NOL4: variants seen among roughly 807,000 people sequenced by gnomAD.
The protein encoded by NOL4 is cancer/testis antigen 125.
A neutral mutation model predicts 75.9 loss-of-function variants in NOL4; 17 were observed. The observed-to-expected ratio is 0.22, with a 90% CI of 0.15 to 0.34. The LOEUF is 0.34. Among genes scored for constraint, NOL4 ranks in the 10% least tolerant of loss-of-function variants. The pLI, the probability that NOL4 is intolerant of heterozygous loss-of-function variation, is 1.00. For missense variants in NOL4, 614 were observed against 793.5 expected, an observed-to-expected ratio of 0.77 and a Z score of 2.72; for synonymous variants, 292 against 289.9, an observed-to-expected ratio of 1.01 and a Z score of -0.07.
At chr18:33,966,057 T>G (rs1055828676) in intron 6 of NOL4, among the ~76,000 whole-genome samples, 1 of 152,244 alleles carries the variant, frequency 6.6e-6, no homozygotes. Context: ...ATCCCCTCTG[T>G]TTTGACTATT....
intron 10 of NOL4, among the ~76,000 whole-genome samples, chr18:33,859,776 C>T (rs192385482): frequency 5.9e-5 from 9 of 151,864 alleles, no homozygotes; most frequent in Admixed American, 2.6e-4. Context: ...AAAATTAGCC[C>T]GGCATGGTGG....
chr18:33,983,187 A>AG (rs1188708938), intron 6 of NOL4, among the ~76,000 whole-genome samples: 3 of 152,086 alleles, frequency 2.0e-5, no homozygotes, highest in African/African-American at 4.8e-5. Context: ...GCCAGGGGTT[A>AG]GGGGGAGGAA....
intron 5 of NOL4, among the ~76,000 whole-genome samples, chr18:34,080,435 A>G (rs1405109602): frequency 6.6e-6 from 1 of 152,146 alleles, no homozygotes; most frequent in Admixed American, 6.5e-5. Context: ...GTTGTAAATG[A>G]CTTTATTATC....
chr18:33,884,072 C>T (rs2144697591), intron 9 of NOL4, among the ~76,000 whole-genome samples: 1 of 152,132 alleles, frequency 6.6e-6, no homozygotes, highest in East Asian at 1.9e-4. Flanking sequence ...TTGTACTGCA[C>T]ACTTGGAAAA....
intron 9 of NOL4, among the ~76,000 whole-genome samples, chr18:33,909,797 G>A (rs1204073988): frequency 6.6e-6 from 1 of 151,958 alleles, no homozygotes; most frequent in Non-Finnish European, 1.5e-5. Flanking sequence ...TTCCAGGGCT[G>A]CGAAGGAAGG....
At position 34,200,998 on chromosome 18, in the gene NOL4, AT is replaced by A. The variant is rs2035695530; in HGVS notation, c.264+21991del. Among the ~76,000 whole-genome samples, 4 of 151,888 alleles carry A rather than the reference AT, an allele frequency of 2.6e-5. No homozygotes were observed. The South Asian group carries it at 8.3e-4, about 31-fold the overall frequency. On this transcript the variant is annotated intron_variant, in intron 1 of 10. Coordinates refer to ENST00000261592, the MANE Select transcript of NOL4 (RefSeq NM_003787.5). ...AAATTGAACAAATTAATATAATACT[AT>A]ACTCCTATGCTGCTCTATATAGGGT...
At chr18:33,931,799 T>C (rs1050799744) in intron 9 of NOL4, among the ~76,000 whole-genome samples, 1 of 152,060 alleles carries the variant, frequency 6.6e-6, no homozygotes, top group Non-Finnish European at 1.5e-5. Context: ...AAAGCCTTTT[T>C]AGAATTTTCT....
intron 9 of NOL4, among the ~76,000 whole-genome samples, chr18:33,892,801 G>A (rs1297617631): frequency 1.3e-5 from 2 of 152,004 alleles, no homozygotes; most frequent in Non-Finnish European, 2.9e-5. Flanking sequence ...GGGACCACAG[G>A]TGCACACTGC....
chr18:34,143,966 A>G (rs1308103150), intron 1 of NOL4, among the ~76,000 whole-genome samples: 1 of 151,662 alleles, frequency 6.6e-6, no homozygotes, highest in Non-Finnish European at 1.5e-5. Context: ...GCTAATTTCT[A>G]TGTTGTATAA....
At chr18:34,028,529 C>G (rs979797097) in intron 5 of NOL4, among the ~76,000 whole-genome samples, 1 of 152,200 alleles carries the variant, frequency 6.6e-6, no homozygotes, top group Admixed American at 6.5e-5. Context: ...CCAAGGCAGG[C>G]GCCTGACCAA....
At chr18:33,866,038 G>C (rs2063413528) in intron 10 of NOL4, among the ~76,000 whole-genome samples, 1 of 152,126 alleles carries the variant, frequency 6.6e-6, no homozygotes, top group Non-Finnish European at 1.5e-5. Context: ...AGGGAGAAAA[G>C]AGAACCTTAT....
intron 6 of NOL4, among the ~76,000 whole-genome samples, chr18:33,959,454 A>G (rs2069923151): frequency 6.6e-6 from 1 of 152,078 alleles, no homozygotes; most frequent in African/African-American, 2.4e-5. Context: ...ATGGTGTGAT[A>G]AGGAGCTTGA....
chr18:33,861,037 A>T (rs2063098832), intron 10 of NOL4, among the ~76,000 whole-genome samples: 1 of 152,148 alleles, frequency 6.6e-6, no homozygotes, highest in Non-Finnish European at 1.5e-5. Context: ...TCGGTTTGCC[A>T]GTATTTTATT....
At chr18:34,002,776 G>A (rs1229199841) in intron 6 of NOL4, among the ~76,000 whole-genome samples, 1 of 151,966 alleles carries the variant, frequency 6.6e-6, no homozygotes, top group Non-Finnish European at 1.5e-5. Flanking sequence ...TACCAATTAA[G>A]TCCCCATTTA....
At chr18:33,958,602 T>A (rs1024458689) in intron 6 of NOL4, among the ~76,000 whole-genome samples, 184 bp from the exon 7 acceptor site, 1 of 152,182 alleles carries the variant, frequency 6.6e-6, no homozygotes, top group Non-Finnish European at 1.5e-5. Context: ...ATTTCCTTGG[T>A]CACGTCACAC....
intron 1 of NOL4, among the ~76,000 whole-genome samples, chr18:34,153,122 G>A (rs1188982306): frequency 6.6e-6 from 1 of 151,688 alleles, no homozygotes; most frequent in Non-Finnish European, 1.5e-5. Context: ...AGGTAATGCT[G>A]CTATAAATAT....
chr18:33,856,256 T>A (rs2062832715), intron 10 of NOL4, among the ~76,000 whole-genome samples: 1 of 152,060 alleles, frequency 6.6e-6, no homozygotes, highest in Non-Finnish European at 1.5e-5. Context: ...GTGATGTTAT[T>A]AATAGCACTA....
At chr18:34,194,179 G>T (rs1305882267) in intron 1 of NOL4, among the ~76,000 whole-genome samples, 2 of 152,016 alleles carry the variant, frequency 1.3e-5, no homozygotes, top group African/African-American at 4.8e-5. Flanking sequence ...GTTAAAAAAT[G>T]TATTATATTC....
At chr18:33,915,712 G>A (rs904205206) in intron 9 of NOL4, among the ~76,000 whole-genome samples, 22 of 152,034 alleles carry the variant, frequency 1.4e-4, no homozygotes, top group East Asian at 3.9e-4. Context: ...ATGAAATAGC[G>A]TAGAATATAG....
Sources: allele counts gnomAD v4.1 joint callset (sites outside exome capture counted in the v4.1 genomes callset), GRCh38; gene constraint gnomAD v4.1.1; transcripts MANE v1.5; gene names NCBI Gene and HGNC (gene_info 2026-07-23, HGNC 2026-07-21).